The following RHBDL3 variants were observed in gnomAD, a reference collection of about 807,000 sequenced individuals.
RHBDL3 encodes the protein rhomboid-related protein 3.
RHBDL3 carries 28 observed loss-of-function variants against 48.2 expected under a neutral mutation model. That is an observed-to-expected ratio of 0.58 (90% CI 0.43 to 0.80). The LOEUF is 0.80. RHBDL3 is among the 30% of genes least tolerant of loss of function. The pLI, the probability that RHBDL3 is intolerant of heterozygous loss-of-function variation, is 0.00. For missense variants in RHBDL3, 464 were observed against 542.7 expected (o/e 0.85, Z 1.44); for synonymous variants, 208 against 232.3 (o/e 0.90, Z 0.95).
At chr17:32,301,901 T>C (rs1229335777) in intron 6 of RHBDL3, among the ~76,000 whole-genome samples, 1 of 152,244 alleles carries the variant, frequency 6.6e-6, no homozygotes, top group African/African-American at 2.4e-5. Context: ...TTGGATTTTT[T>C]TTAAGGCCAA....
At chr17:32,310,306 G>A (rs1484844102) in intron 7 of RHBDL3, among the ~76,000 whole-genome samples, 1 of 152,120 alleles carries the variant, frequency 6.6e-6, no homozygotes, top group Non-Finnish European at 1.5e-5. Flanking sequence ...TATTGGCCGG[G>A]CGTGGTGGCT....
At chr17:32,312,579 G>A (rs375983641) in intron 7 of RHBDL3, among the ~76,000 whole-genome samples, 14 of 152,184 alleles carry the variant, frequency 9.2e-5, no homozygotes, top group South Asian at 2.1e-4. Context: ...GTACAGTGGC[G>A]CAATATCGTC....
chr17:32,269,927 G>T (rs1040786316), intron 2 of RHBDL3, among the ~76,000 whole-genome samples: 6 of 152,138 alleles, frequency 3.9e-5, no homozygotes, highest in Non-Finnish European at 8.8e-5. Flanking sequence ...ATAGTAGCTA[G>T]TGGTCTATTA....
intron 3 of RHBDL3, 141 bp from the exon 4 acceptor site, chr17:32,288,651 A>T (rs2040252321): frequency 1.6e-6 from 1 of 634,872 alleles, no homozygotes; most frequent in Non-Finnish European, 2.8e-6. Context: ...ACCTTGGTGA[A>T]TGTTGCTTCT....
At chr17:32,283,454 G>A (rs1251490977) in intron 2 of RHBDL3, among the ~76,000 whole-genome samples, 1 of 151,122 alleles carries the variant, frequency 6.6e-6, no homozygotes, top group African/African-American at 2.4e-5. Flanking sequence ...CTCCCGAGTA[G>A]CTGGGACTAC....
At chr17:32,309,858 CAA>C (rs1311962250) in intron 7 of RHBDL3, among the ~76,000 whole-genome samples, 3 of 146,424 alleles carry the variant, frequency 2.0e-5, no homozygotes, top group African/African-American at 7.7e-5. Flanking sequence ...CGGGTCACCA[CAA>C]CCTCCACCTC....
intron 6 of RHBDL3, among the ~76,000 whole-genome samples, chr17:32,300,448 G>C (rs1288902881): frequency 1.3e-5 from 2 of 152,128 alleles, no homozygotes; most frequent in Non-Finnish European, 2.9e-5. Flanking sequence ...CAGCTACTTG[G>C]GAGGCTGATG....
At chr17:32,295,198 G>C (rs548926146) in intron 5 of RHBDL3, among the ~76,000 whole-genome samples, 16 of 152,362 alleles carry the variant, frequency 1.1e-4, no homozygotes, top group Non-Finnish European at 2.1e-4. Context: ...GAACTGGGAA[G>C]GGGGTCACTC....
rs1180282851 is a variant in RHBDL3 at position 32,313,748 on chromosome 17, T to TC, written c.883-2481dup. Among the ~76,000 whole-genome samples, 98 of 128,014 alleles carry TC rather than the reference T, an allele frequency of 7.7e-4. 1 individual carries two copies. Among genetic ancestry groups the TC allele is most frequent in the African/African-American group, 2.5e-3 (89 of 35,518 alleles). The allele number at this position is 128,014 out of a possible 152,430, so 84.0% of individuals were successfully genotyped here. The stretch of plus-strand genomic sequence containing the variant: ...TGCTGTAACATGGGTCAGAATTCCC[T>TC]CCCTTTTTTTTTTTTTTTTTTTTTT... On this transcript the variant is annotated intron_variant, in intron 7 of 8. Transcript: ENST00000269051.
chr17:32,315,648 A>C (rs1172502580), intron 7 of RHBDL3, among the ~76,000 whole-genome samples: 1 of 151,926 alleles, frequency 6.6e-6, no homozygotes, highest in Admixed American at 6.6e-5. Context: ...TGCTTACTAG[A>C]AATGGAAACT....
At position 32,322,903 on chromosome 17, in the gene RHBDL3, A is replaced by G. The variant is rs2041170972; in HGVS notation, c.*1674A>G. The G allele has an allele frequency of 6.6e-6, 1 of 152,436 alleles. No individual in the cohort carries two copies. Among genetic ancestry groups the G allele is most frequent in the South Asian group, 2.1e-4 (1 of 4,840 alleles). 9.4% of individuals were successfully genotyped at this position (152,436 alleles called of 1,614,324 possible). A position where few individuals can be genotyped will look rare whatever the true frequency, so the allele number is the denominator to read the frequency against. ...AAGAACGCCAGGCCTGGGAGGAGGC[A>G]GGGGGGCTGGGCGTGTCCAGAAACA... On this transcript the variant is annotated 3_prime_UTR_variant, in exon 9 of 9. Coordinates refer to ENST00000269051, the MANE Select transcript of RHBDL3 (RefSeq NM_138328.3).
intron 6 of RHBDL3, among the ~76,000 whole-genome samples, chr17:32,299,658 T>C (rs16967261): frequency 0.026 from 3,981 of 152,290 alleles, 76 homozygotes; most frequent in Non-Finnish European, 0.032. Context: ...AAGATTCAAA[T>C]GGACTCAGAC....
chr17:32,279,290 C>T (rs1441672674), intron 2 of RHBDL3, among the ~76,000 whole-genome samples: 1 of 152,110 alleles, frequency 6.6e-6, no homozygotes, highest in Non-Finnish European at 1.5e-5. Flanking sequence ...TTGCTGTTCA[C>T]CAGGATAGTA....
chr17:32,310,242 A>G (rs967314405), intron 7 of RHBDL3, among the ~76,000 whole-genome samples: 1 of 152,170 alleles, frequency 6.6e-6, no homozygotes, highest in Admixed American at 6.5e-5. Flanking sequence ...GTCAAAGCAC[A>G]AGGGAAGATG....
intron 8 of RHBDL3, among the ~76,000 whole-genome samples, chr17:32,319,590 G>A (rs918234783): frequency 1.3e-5 from 2 of 152,256 alleles, no homozygotes; most frequent in African/African-American, 4.8e-5. Context: ...GAGGGCGGAG[G>A]GTCAGTCCCT....
chr17:32,308,224 G>T (rs1465405285), intron 7 of RHBDL3, among the ~76,000 whole-genome samples: 3 of 152,200 alleles, frequency 2.0e-5, no homozygotes, highest in Non-Finnish European at 4.4e-5. Context: ...GAAGCAAACG[G>T]CTTTCCTTGG....
chr17:32,321,154 C>T lies in RHBDL3; in HGVS notation c.1140C>T (p.Val380=), dbSNP rs1318613578. 1 of 1,614,232 alleles carries T rather than the reference C, an allele frequency of 6.2e-7. No homozygotes were observed. The highest frequency in any genetic ancestry group is 1.1e-5 in the South Asian group (1 of 91,090). The change falls in exon 9 of 9, where the codon GTC becomes GTT. Residue 380 remains valine, a synonymous_variant. Transcript: ENST00000269051. The stretch of plus-strand genomic sequence containing the variant: ...GGATTTTTGTGGCCATGTACACCGT[C>T]TTCGTGCTGTTCGCTGTCTTCTGGA... ...LWWIFVAMYT[V]FVLFAVFWNI...
chr17:32,310,628 G>A (rs1321817819), intron 7 of RHBDL3, among the ~76,000 whole-genome samples: 2 of 152,070 alleles, frequency 1.3e-5, no homozygotes, highest in South Asian at 2.1e-4. Flanking sequence ...CAGAAGAATC[G>A]CTTGAACTCG....
At chr17:32,305,240 C>T in intron 6 of RHBDL3, 101 bp from the exon 7 acceptor site, 1 of 791,284 alleles carries the variant, frequency 1.3e-6, no homozygotes, top group Non-Finnish European at 2.3e-6. Context: ...GCGTCTTGCT[C>T]TGGAGTCTTA....
Sources: gnomAD v4.1 joint callset for allele counts (sites outside exome capture counted in the v4.1 genomes callset) on GRCh38, gnomAD v4.1.1 for gene constraint, MANE v1.5 for transcripts, NCBI Gene and HGNC (gene_info 2026-07-23, HGNC 2026-07-21) for gene names.